The following C1orf185 variants were observed in gnomAD, a reference collection of about 807,000 sequenced individuals.
The protein encoded by C1orf185 is chromosome 1 open reading frame 185.
In C1orf185, 13 loss-of-function variants were observed where a neutral mutation model predicts 16.1. The observed-to-expected ratio is 0.81, with a 90% CI of 0.53 to 1.28. The LOEUF (loss-of-function observed/expected upper bound fraction) is 1.28. Ranked by LOEUF, C1orf185 falls within the 50% of genes most tolerant of loss-of-function variation. The probability of loss-of-function intolerance (pLI) is 0.00; values close to 1 mark genes in which losing one functional copy is unlikely to be tolerated. For missense variants in C1orf185, 220 were observed against 225.2 expected, an observed-to-expected ratio of 0.98 and a Z score of 0.15; for synonymous variants, 80 against 76.9, an observed-to-expected ratio of 1.04 and a Z score of -0.21.
intron 1 of C1orf185, among the ~76,000 whole-genome samples, chr1:51,108,356 A>C (rs2148009150): frequency 6.6e-6 from 1 of 152,234 alleles, no homozygotes; most frequent in South Asian, 2.1e-4. Context: ...ATTTTGATAC[A>C]TGTGTACAAT....
At chr1:51,135,294 C>T (rs1400728302) in intron 3 of C1orf185, among the ~76,000 whole-genome samples, 3 of 152,158 alleles carry the variant, frequency 2.0e-5, no homozygotes, top group African/African-American at 7.2e-5. Context: ...AATCTCAACA[C>T]TTTGGGAGGC....
At chr1:51,116,998 C>A (rs1429000693) in intron 2 of C1orf185, among the ~76,000 whole-genome samples, 1 of 152,124 alleles carries the variant, frequency 6.6e-6, no homozygotes, top group African/African-American at 2.4e-5. Flanking sequence ...TCCTTGACAG[C>A]AATTTCCACT....
At chr1:51,109,732 C>T (rs550554310) in intron 1 of C1orf185, among the ~76,000 whole-genome samples, 66 of 152,158 alleles carry the variant, frequency 4.3e-4, no homozygotes, top group Non-Finnish European at 9.0e-4. Context: ...GTTCTCCATC[C>T]TGTTCCACTG....
intron 3 of C1orf185, among the ~76,000 whole-genome samples, chr1:51,141,975 G>A (rs1358392221): frequency 6.6e-6 from 1 of 152,148 alleles, no homozygotes; most frequent in Non-Finnish European, 1.5e-5. Context: ...CACCATGTTG[G>A]CCAGTCTGGT....
intron 3 of C1orf185, among the ~76,000 whole-genome samples, chr1:51,141,608 TGAA>T (rs887899219): frequency 6.6e-5 from 10 of 152,168 alleles, no homozygotes; most frequent in African/African-American, 1.9e-4. Context: ...AAAAGCCTAG[TGAA>T]GAAGGTGTTT....
chr1:51,123,702 A>G (rs1366121404), intron 3 of C1orf185, among the ~76,000 whole-genome samples: 1 of 152,164 alleles, frequency 6.6e-6, no homozygotes, highest in Non-Finnish European at 1.5e-5. Context: ...GAGTTTCACC[A>G]TTCTAACAAA....
At chr1:51,128,308 C>T (rs1294586730) in intron 3 of C1orf185, among the ~76,000 whole-genome samples, 4 of 152,194 alleles carry the variant, frequency 2.6e-5, no homozygotes, top group Non-Finnish European at 4.4e-5. Flanking sequence ...TAACTTATTT[C>T]ACTCCCACCA....
chr1:51,145,249 G>A (rs1287274542), intron 3 of C1orf185, among the ~76,000 whole-genome samples: 1 of 151,970 alleles, frequency 6.6e-6, no homozygotes, highest in Non-Finnish European at 1.5e-5. Context: ...AGGCTGCAGT[G>A]AGCTATGATC....
At chr1:51,115,218 A>G (rs1025949294) in intron 2 of C1orf185, among the ~76,000 whole-genome samples, 2 of 152,068 alleles carry the variant, frequency 1.3e-5, no homozygotes, top group African/African-American at 4.8e-5. Context: ...CATGCCTGTA[A>G]TCCCAGCTAC....
chr1:51,147,243 T>G (rs1013867103), intron 4 of C1orf185, among the ~76,000 whole-genome samples: 17 of 152,316 alleles, frequency 1.1e-4, no homozygotes, highest in African/African-American at 4.1e-4. Context: ...ATTTCTAGCC[T>G]AATTAGTCTT....
At chr1:51,120,554 C>T (rs1213768591) in intron 3 of C1orf185, among the ~76,000 whole-genome samples, 1 of 152,146 alleles carries the variant, frequency 6.6e-6, no homozygotes, top group East Asian at 1.9e-4. Flanking sequence ...ATGTAAACAT[C>T]AAATTGATTC....
intron 3 of C1orf185, among the ~76,000 whole-genome samples, chr1:51,121,312 G>A (rs1202326767): frequency 6.6e-6 from 1 of 151,996 alleles, no homozygotes; most frequent in Non-Finnish European, 1.5e-5. Flanking sequence ...CCATTCTACT[G>A]TCTGCTTCTA....
intron 3 of C1orf185, among the ~76,000 whole-genome samples, chr1:51,133,288 T>C (rs1402901006): frequency 2.0e-5 from 3 of 152,160 alleles, no homozygotes; most frequent in Non-Finnish European, 4.4e-5. Flanking sequence ...GCAAGACCCA[T>C]TGATATGCTG....
At chr1:51,150,894 A>G (rs1056159940), downstream of C1orf185, among the ~76,000 whole-genome samples, 3 of 152,142 alleles carry the variant, frequency 2.0e-5, no homozygotes, top group Non-Finnish European at 4.4e-5. Context: ...GAGTTTAGGG[A>G]ACCAAATATT....
At chr1:51,115,245 G>A (rs1646149757) in intron 2 of C1orf185, among the ~76,000 whole-genome samples, 1 of 152,218 alleles carries the variant, frequency 6.6e-6, no homozygotes. Context: ...GGCTGAGGCA[G>A]GAGAATCACT....
At chr1:51,103,208 C>A (rs1041964113) in intron 1 of C1orf185, among the ~76,000 whole-genome samples, 2 of 151,914 alleles carry the variant, frequency 1.3e-5, no homozygotes, top group African/African-American at 2.4e-5. Flanking sequence ...GAGCTCAAGA[C>A]GAACCTGGGC....
chr1:51,106,448 T>G (rs1407319436), intron 1 of C1orf185, among the ~76,000 whole-genome samples: 1 of 151,956 alleles, frequency 6.6e-6, no homozygotes, highest in African/African-American at 2.4e-5. Context: ...GAAATCGGCC[T>G]TGGCAAAAAA....
At chr1:51,127,957 A>G (rs918129468) in intron 3 of C1orf185, among the ~76,000 whole-genome samples, 1 of 141,546 alleles carries the variant, frequency 7.1e-6, no homozygotes, top group Non-Finnish European at 1.5e-5. Context: ...GCGTGATCTC[A>G]GCTCACTGCA....
chr1:51,131,341 C>T (rs1646283757), intron 3 of C1orf185, among the ~76,000 whole-genome samples: 1 of 152,240 alleles, frequency 6.6e-6, no homozygotes. Flanking sequence ...ATTGCTTTTG[C>T]AATTCTTCTC....
Sources: gnomAD v4.1 joint callset for allele counts (sites outside exome capture counted in the v4.1 genomes callset) on GRCh38, gnomAD v4.1.1 for gene constraint, MANE v1.5 for transcripts, NCBI Gene and HGNC (gene_info 2026-07-23, HGNC 2026-07-21) for gene names.